MED13L: variants seen among roughly 807,000 people sequenced by gnomAD.
MED13L encodes mediator complex subunit 13L.
Under a neutral mutation model 220.9 loss-of-function variants are expected in MED13L, and 7 were observed. The observed-to-expected ratio is 0.03, with a 90% CI of 0.02 to 0.06. MED13L has a LOEUF of 0.06. Among genes scored for constraint, MED13L ranks in the 10% least tolerant of loss-of-function variants. The probability of loss-of-function intolerance (pLI) is 1.00; values close to 1 mark genes in which losing one functional copy is unlikely to be tolerated. For missense variants in MED13L, 1,965 were observed against 2,760.5 expected (o/e 0.71, Z 6.46); for synonymous variants, 1,011 against 1,015.2 (o/e 1.00, Z 0.08).
intron 1 of MED13L, among the ~76,000 whole-genome samples, chr12:116,243,688 A>G (rs1299465463): frequency 6.6e-6 from 1 of 152,072 alleles, no homozygotes; most frequent in Non-Finnish European, 1.5e-5. Context: ...TCAGTGGTCA[A>G]GGAACACAGT....
At chr12:116,167,054 G>A (rs866934825) in intron 2 of MED13L, among the ~76,000 whole-genome samples, 1 of 151,872 alleles carries the variant, frequency 6.6e-6, no homozygotes, top group Admixed American at 6.6e-5. Flanking sequence ...CACAAAATTC[G>A]ATGTTCAAAA....
chr12:116,184,650 T>C (rs1321006290), intron 2 of MED13L, among the ~76,000 whole-genome samples: 2 of 152,216 alleles, frequency 1.3e-5, no homozygotes, highest in Non-Finnish European at 2.9e-5. Flanking sequence ...GATCTCTAAG[T>C]TGCAGGTTTG....
chr12:116,180,393 A>AT lies in MED13L; in HGVS notation c.310+57074dup, dbSNP rs1880437517. ...TCAAAACTGTTTCATGCATACAATT[A>AT]TTTAAGATGTTGCATAAAATTAACT... On this transcript the variant is annotated intron_variant, in intron 2 of 30. Transcript: ENST00000281928. Among the ~76,000 whole-genome samples, 3 of 152,344 alleles carry AT rather than the reference A, an allele frequency of 2.0e-5. No homozygotes were observed. In the South Asian group the frequency reaches 6.2e-4, roughly 32 times the overall value.
intron 2 of MED13L, among the ~76,000 whole-genome samples, chr12:116,176,572 GA>G (rs1299966280): frequency 2.6e-5 from 4 of 151,990 alleles, no homozygotes; most frequent in Admixed American, 6.5e-5. Context: ...GGTTAGCAAG[GA>G]AAAAAGTGAG....
chr12:115,997,268 A>G (rs1157641101), intron 14 of MED13L, 38 bp from the exon 15 acceptor site: 10 of 1,582,870 alleles, frequency 6.3e-6, no homozygotes, highest in Non-Finnish European at 7.8e-6. Context: ...TTTAATAGGA[A>G]GGGCTTCTAA....
chr12:116,275,571 A>G (rs1025223941), intron 1 of MED13L, among the ~76,000 whole-genome samples: 5 of 152,222 alleles, frequency 3.3e-5, no homozygotes, highest in Admixed American at 2.0e-4. Context: ...TTAGTCTCAT[A>G]GCAAAAAGGC....
chr12:116,128,028 T>C (rs1201176471), intron 2 of MED13L, among the ~76,000 whole-genome samples: 1 of 152,148 alleles, frequency 6.6e-6, no homozygotes, highest in Non-Finnish European at 1.5e-5. Context: ...GGCTGTCTCC[T>C]CCAAGCGGCA....
intron 1 of MED13L, among the ~76,000 whole-genome samples, chr12:116,237,924 C>T (rs894857532): frequency 6.6e-6 from 1 of 152,072 alleles, no homozygotes; most frequent in Non-Finnish European, 1.5e-5. Context: ...ACATTAAATA[C>T]TAAAATAAAA....
At chr12:116,049,995 G>C (rs1037809708) in intron 4 of MED13L, among the ~76,000 whole-genome samples, 5 of 152,182 alleles carry the variant, frequency 3.3e-5, no homozygotes, top group Non-Finnish European at 7.3e-5. Flanking sequence ...TTTGAATGTA[G>C]TCAAAATAAA....
intron 2 of MED13L, among the ~76,000 whole-genome samples, chr12:116,142,246 G>C (rs1477057429): frequency 6.6e-6 from 1 of 152,186 alleles, no homozygotes; most frequent in African/African-American, 2.4e-5. Flanking sequence ...CAGGAACCAA[G>C]ATTTTAGTCT....
chr12:116,276,517 G>C, intron 1 of MED13L: 1 of 1,284,406 alleles, frequency 7.8e-7, no homozygotes, highest in Non-Finnish European at 1.0e-6. Flanking sequence ...ACAATCGCGG[G>C]AGCTTCGGGT....
chr12:116,263,108 T>C (rs1872616944), intron 1 of MED13L, among the ~76,000 whole-genome samples: 1 of 152,194 alleles, frequency 6.6e-6, no homozygotes, highest in Non-Finnish European at 1.5e-5. Context: ...AAATTCTAAA[T>C]GCTAAATGGC....
intron 7 of MED13L, among the ~76,000 whole-genome samples, chr12:116,015,703 G>GA (rs1879685860): frequency 6.6e-6 from 1 of 152,128 alleles, no homozygotes; most frequent in African/African-American, 2.4e-5. Flanking sequence ...ACAGTAGAGG[G>GA]AGCTTTATAC....
At chr12:115,970,974 A>G (rs1447395142) in intron 26 of MED13L, among the ~76,000 whole-genome samples, 2 of 152,212 alleles carry the variant, frequency 1.3e-5, no homozygotes, top group African/African-American at 4.8e-5. Flanking sequence ...TTCATTTCAT[A>G]CTGAAAAGGT....
chr12:115,978,274 CTG>C (rs1877084433), intron 23 of MED13L, among the ~76,000 whole-genome samples: 2 of 151,038 alleles, frequency 1.3e-5, no homozygotes, highest in Non-Finnish European at 2.9e-5. Flanking sequence ...GTAGTGAAGA[CTG>C]TACAACTGTG....
intron 4 of MED13L, among the ~76,000 whole-genome samples, chr12:116,076,706 C>T (rs145711953): frequency 6.6e-6 from 1 of 152,184 alleles, no homozygotes; most frequent in African/African-American, 2.4e-5. Context: ...CAAAAGAAGG[C>T]TTGTTTTTGA....
chr12:116,271,625 C>CAA (rs768668777), intron 1 of MED13L, among the ~76,000 whole-genome samples: 3 of 69,086 alleles, frequency 4.3e-5, no homozygotes. Context: ...GACTCCGTCT[C>CAA]AAAAAAAAAA....
At chr12:116,169,600 G>T (rs1223853903) in intron 2 of MED13L, among the ~76,000 whole-genome samples, 2 of 152,148 alleles carry the variant, frequency 1.3e-5, no homozygotes, top group African/African-American at 4.8e-5. Context: ...GTATGTAGTT[G>T]GAGAAGGGAG....
intron 1 of MED13L, among the ~76,000 whole-genome samples, chr12:116,244,549 A>G (rs1480467136): frequency 1.3e-5 from 2 of 152,182 alleles, no homozygotes; most frequent in Non-Finnish European, 2.9e-5. Context: ...GATACAACCC[A>G]ATTGACACAG....
Sources: gnomAD v4.1 joint callset for allele counts (sites outside exome capture counted in the v4.1 genomes callset) on GRCh38, gnomAD v4.1.1 for gene constraint, MANE v1.5 for transcripts, NCBI Gene and HGNC (gene_info 2026-07-23, HGNC 2026-07-21) for gene names.